The following CTTNBP2 variants were observed in gnomAD, a reference collection of about 807,000 sequenced individuals.
The protein encoded by CTTNBP2 is cortactin binding protein 2.
Under a neutral mutation model 156.9 loss-of-function variants are expected in CTTNBP2, and 108 were observed. That is an observed-to-expected ratio of 0.69 (90% CI 0.59 to 0.81). The LOEUF is 0.81. Ranked by LOEUF, CTTNBP2 falls within the 30% of genes least tolerant of loss-of-function variation. The pLI is 0.00. For synonymous variants in CTTNBP2, 767 were observed against 751.8 expected (o/e 1.02, Z -0.33); for missense variants, 1,924 against 2,035.4 (o/e 0.95, Z 1.05).
At chr7:117,713,268 T>G (rs1794160546) in intron 22 of CTTNBP2, among the ~76,000 whole-genome samples, 1 of 152,174 alleles carries the variant, frequency 6.6e-6, no homozygotes. Flanking sequence ...ACATTGATAA[T>G]CTTTCCCTTC....
At chr7:117,841,269 A>C (rs1802260123) in intron 2 of CTTNBP2, among the ~76,000 whole-genome samples, 1 of 152,190 alleles carries the variant, frequency 6.6e-6, no homozygotes, top group Non-Finnish European at 1.5e-5. Flanking sequence ...GAAAGCTCCA[A>C]TGTATACATA....
intron 3 of CTTNBP2, among the ~76,000 whole-genome samples, chr7:117,799,539 A>C (rs1799501277): frequency 6.6e-6 from 1 of 152,076 alleles, no homozygotes; most frequent in African/African-American, 2.4e-5. Context: ...AAGCACAGCT[A>C]ACATTGTACT....
At chr7:117,798,121 A>G (rs1262708802) in intron 3 of CTTNBP2, among the ~76,000 whole-genome samples, 1 of 152,152 alleles carries the variant, frequency 6.6e-6, no homozygotes, top group Admixed American at 6.5e-5. Flanking sequence ...TTTTCTCTAA[A>G]ATATACAAAG....
At chr7:117,849,325 G>C (rs529981568) in intron 2 of CTTNBP2, among the ~76,000 whole-genome samples, 1 of 152,146 alleles carries the variant, frequency 6.6e-6, no homozygotes, top group Non-Finnish European at 1.5e-5. Context: ...GTGGAAACAC[G>C]GAATGGAACA....
In CTTNBP2 at chr7:117,717,919, T is replaced by TTAAAAAAATAACTCTGTGATTCACAC; in HGVS notation, c.4746+73_4746+98dup. ...CTATTTCTCAGTTCTTAGCTTTGGT[T>TTAAAAAAATAACTCTGTGATTCACAC]TAAAAAAATAACTCTGTGATTCACA... On this transcript the variant is annotated intron_variant, in intron 22 of 22. Transcript: ENST00000160373. 6.6e-6 allele frequency: 5 copies of TTAAAAAAATAACTCTGTGATTCACAC among 761,444 alleles called. 1 individual carries two copies. In the South Asian group the frequency reaches 8.4e-5, roughly 13 times the overall value. 47.2% of individuals were successfully genotyped at this position (761,444 alleles called of 1,614,324 possible). A position where few individuals can be genotyped will look rare whatever the true frequency, so the allele number is the denominator to read the frequency against.
intron 10 of CTTNBP2, 40 bp from the exon 11 acceptor site, chr7:117,758,010 A>G: frequency 6.7e-7 from 1 of 1,486,632 alleles, no homozygotes; most frequent in Non-Finnish European, 9.3e-7. Context: ...AGGGAAGCTT[A>G]TGAGTGGTTT....
At chr7:117,719,017 C>T (rs942159949) in intron 21 of CTTNBP2, among the ~76,000 whole-genome samples, 24 of 152,058 alleles carry the variant, frequency 1.6e-4, no homozygotes, top group African/African-American at 4.6e-4. Flanking sequence ...ACCAACATGG[C>T]GAAACCCTGT....
chr7:117,767,885 T>C (rs1797577760), intron 8 of CTTNBP2, among the ~76,000 whole-genome samples: 1 of 152,150 alleles, frequency 6.6e-6, no homozygotes, highest in Non-Finnish European at 1.5e-5. Context: ...AGACAATATA[T>C]ATACATAAAT....
intron 2 of CTTNBP2, among the ~76,000 whole-genome samples, chr7:117,843,704 G>A (rs950201474): frequency 1.3e-4 from 20 of 152,272 alleles, no homozygotes; most frequent in African/African-American, 4.3e-4. Context: ...ACATGATCCC[G>A]ATCTTGTTTT....
At chr7:117,768,581 A>G (rs73215964) in intron 8 of CTTNBP2, among the ~76,000 whole-genome samples, 8 of 99,116 alleles carry the variant, frequency 8.1e-5, no homozygotes, top group South Asian at 3.1e-4. Flanking sequence ...AAAAAAAAAA[A>G]AAAGAAAGAA....
chr7:117,832,351 T>C (rs932179638), intron 2 of CTTNBP2, among the ~76,000 whole-genome samples: 1 of 152,162 alleles, frequency 6.6e-6, no homozygotes, highest in Non-Finnish European at 1.5e-5. Context: ...TCTTCAGACA[T>C]AACACTCCTT....
Position 117,711,370 on chromosome 7 carries a change from G to A in CTTNBP2, c.*167C>T. ...GAATTAAAAAAAAAAGCAACAAAAT[G>A]TTGGTTATAAATACATTCTTTACAA... is the stretch of plus-strand genomic sequence containing the variant. On this transcript the variant is annotated 3_prime_UTR_variant, in exon 23 of 23. Coordinates refer to ENST00000160373, the MANE Select transcript of CTTNBP2 (RefSeq NM_033427.3). The A allele has an allele frequency of 1.5e-6, 1 of 671,908 alleles. No individual in the cohort carries two copies. The highest frequency in any genetic ancestry group is 3.0e-5 in the East Asian group (1 of 32,828). 41.6% of individuals were successfully genotyped at this position (671,908 alleles called of 1,614,324 possible). A position where few individuals can be genotyped will look rare whatever the true frequency, so the allele number is the denominator to read the frequency against.
rs200589103 is a variant in CTTNBP2, at chr7:117,784,467, G to A, written c.2069-13C>T. On this transcript the variant is annotated splice_polypyrimidine_tract_variant and intron_variant, in intron 4 of 22. Transcript: ENST00000160373. ...GAGGGTGACCAGCCTGTAGGTTAAA[G>A]TGACCCTCGTTAGAGAGTAGGAGCA... 3.9e-4 allele frequency: 610 copies of A among 1,561,040 alleles called. 3 individuals are homozygous for A. The highest frequency in any genetic ancestry group is 1.2e-4 in the Admixed American group (6 of 49,426).
At chr7:117,773,036 A>G (rs1797876049) in intron 8 of CTTNBP2, among the ~76,000 whole-genome samples, 1 of 152,236 alleles carries the variant, frequency 6.6e-6, no homozygotes, top group Non-Finnish European at 1.5e-5. Flanking sequence ...AAAAAAGGAA[A>G]TAATCATAGA....
chr7:117,850,431 C>T (rs1372521097), intron 2 of CTTNBP2, among the ~76,000 whole-genome samples: 1 of 152,050 alleles, frequency 6.6e-6, no homozygotes, highest in Non-Finnish European at 1.5e-5. Context: ...TTTCAAGTAA[C>T]CAAAGAATGA....
chr7:117,756,656 G>C (rs1036543117), intron 11 of CTTNBP2, 22 bp from the exon 12 acceptor site: 10 of 1,448,284 alleles, frequency 6.9e-6, no homozygotes, highest in Non-Finnish European at 9.7e-6. Flanking sequence ...GACAGACGAA[G>C]AAAAATGGGT....
At chr7:117,776,559 T>C (rs1420939455) in intron 8 of CTTNBP2, among the ~76,000 whole-genome samples, 2 of 152,178 alleles carry the variant, frequency 1.3e-5, no homozygotes, top group Non-Finnish European at 2.9e-5. Flanking sequence ...CTTCCATGTG[T>C]TAGTTTTTAA....
At chr7:117,735,134 A>G in intron 15 of CTTNBP2, 34 bp from the exon 16 acceptor site, 1 of 1,603,710 alleles carries the variant, frequency 6.2e-7, no homozygotes, top group Non-Finnish European at 8.5e-7. Context: ...GCCCATCCTC[A>G]GTGAGTTATG....
In CTTNBP2 at chr7:117,731,689, C is replaced by T. The variant is rs79631325; in HGVS notation, c.3876+3224G>A. Among the ~76,000 whole-genome samples, 1,266 of 152,264 alleles carry T rather than the reference C, an allele frequency of 8.3e-3. 38 individuals carry two copies. In the East Asian group the frequency reaches 0.12, roughly 14 times the overall value. ...TTTGGAAAATGCTATGACTGACTGA[C>T]GGGAAGAACAGGCTGAGAAGTTCTA... On this transcript the variant is annotated intron_variant, in intron 16 of 22. Coordinates refer to ENST00000160373, the MANE Select transcript of CTTNBP2 (RefSeq NM_033427.3).
Sources: allele counts gnomAD v4.1 joint callset (sites outside exome capture counted in the v4.1 genomes callset), GRCh38; gene constraint gnomAD v4.1.1; transcripts MANE v1.5; gene names NCBI Gene and HGNC (gene_info 2026-07-23, HGNC 2026-07-21).